NBAS: variants seen among roughly 807,000 people sequenced by gnomAD.
The protein encoded by NBAS is NBAS subunit of NRZ tethering complex.
A neutral mutation model predicts 302.5 loss-of-function variants in NBAS; 219 were observed. That is an observed-to-expected ratio of 0.72 (90% CI 0.65 to 0.81). The LOEUF (loss-of-function observed/expected upper bound fraction) is 0.81, where lower values mean the gene tolerates loss of function less well. NBAS is among the 30% of genes least tolerant of loss of function. NBAS has a pLI of 0.00. For synonymous variants in NBAS, 1,118 were observed against 1,021.6 expected (o/e 1.09, Z -1.80); for missense variants, 2,932 against 2,841.6 (o/e 1.03, Z -0.72).
At chr2:14,936,134 G>A in the NBAS span, among the ~76,000 whole-genome samples, 3 of 152,098 alleles carry the variant, frequency 2.0e-5, no homozygotes, top group Non-Finnish European at 2.9e-5. Flanking sequence ...ATACTAAATT[G>A]CACCAAACCT....
intron 35 of NBAS, among the ~76,000 whole-genome samples, chr2:15,341,083 CCTTAAAAGTAAAAGG>C: frequency 6.6e-6 from 1 of 152,162 alleles, no homozygotes; most frequent in East Asian, 1.9e-4. Context: ...TATGGTATTT[CCTTAAAAGTAAAAGG>C]AGACTGGCCA....
chr2:14,899,717 C>G, the NBAS span, among the ~76,000 whole-genome samples: 5 of 149,394 alleles, frequency 3.3e-5, no homozygotes, highest in African/African-American at 1.3e-4. Context: ...CTTTCAGGGT[C>G]CTTTAAAAAA....
At chr2:15,265,590 G>A (rs571028988) in intron 44 of NBAS, among the ~76,000 whole-genome samples, 6 of 152,240 alleles carry the variant, frequency 3.9e-5, no homozygotes, top group Admixed American at 6.5e-5. Context: ...GACTAGCATA[G>A]GGTTCGGTAA....
Position 15,167,423 on chromosome 2 carries a change from A to G in NBAS, c.6841-100T>C, listed in dbSNP as rs905786181. 9 of 1,457,798 alleles carry G rather than the reference A, an allele frequency of 6.2e-6. No individual in the cohort carries two copies. In the African/African-American group the frequency reaches 1.1e-4, roughly 18 times the overall value. The allele number at this position is 1,457,798 out of a possible 1,614,324, so 90.3% of individuals were successfully genotyped here. A position where few individuals can be genotyped will look rare whatever the true frequency, so the allele number is the denominator to read the frequency against. On this transcript the variant is annotated intron_variant, in intron 51 of 51. Coordinates refer to ENST00000281513, the MANE Select transcript of NBAS (RefSeq NM_015909.4). ...CACTGGGCTGCCTTCATCATCATTC[A>G]TGCCCTGGCCTGGGTTTAAAAGCGT...
chr2:15,167,466 C>G, intron 51 of NBAS, 143 bp from the exon 52 acceptor site: 1 of 1,043,348 alleles, frequency 9.6e-7, no homozygotes, highest in East Asian at 2.6e-5. Flanking sequence ...TCACGAGCAC[C>G]TCTGAGGTAG....
chr2:15,068,453 G>T, the NBAS span, among the ~76,000 whole-genome samples: 2 of 152,276 alleles, frequency 1.3e-5, no homozygotes, highest in South Asian at 4.2e-4. Context: ...CTCTACTGAG[G>T]ACTTTGTCTA....
At chr2:14,919,307 G>A in the NBAS span, among the ~76,000 whole-genome samples, 2 of 152,156 alleles carry the variant, frequency 1.3e-5, no homozygotes, top group Non-Finnish European at 2.9e-5. Flanking sequence ...TCTAAAAAAT[G>A]TCCATACCTT....
the NBAS span, among the ~76,000 whole-genome samples, chr2:14,923,517 G>A: frequency 2.0e-5 from 3 of 152,158 alleles, no homozygotes; most frequent in African/African-American, 7.2e-5. Context: ...CAGTCCCATG[G>A]TGAACCAGAC....
At chr2:15,126,794 C>A in the NBAS span, among the ~76,000 whole-genome samples, 2 of 152,198 alleles carry the variant, frequency 1.3e-5, no homozygotes, top group African/African-American at 4.8e-5. Context: ...AAAGCTCTTA[C>A]TAGATATCAT....
chr2:15,505,243 C>CA lies in NBAS; in HGVS notation c.886-1031dup, dbSNP rs763443382. Among the ~76,000 whole-genome samples, 5 of 152,252 alleles carry CA rather than the reference C, an allele frequency of 3.3e-5. No individual in the cohort carries two copies. In the South Asian group the frequency reaches 8.3e-4, roughly 25 times the overall value. ...CAAATTGAAAAACACCCAGGGAGGA[C>CA]AGAGGGGAGCTAGCAAAAATGGCTA... is the stretch of plus-strand genomic sequence containing the variant. On this transcript the variant is annotated intron_variant, in intron 10 of 51. Transcript: ENST00000281513.
chr2:15,369,338 T>C (rs1315657620), intron 31 of NBAS, among the ~76,000 whole-genome samples: 1 of 152,144 alleles, frequency 6.6e-6, no homozygotes, highest in Non-Finnish European at 1.5e-5. Context: ...AAACCACACA[T>C]AGCAATGGAT....
chr2:15,045,479 G>T, the NBAS span, among the ~76,000 whole-genome samples: 2 of 152,032 alleles, frequency 1.3e-5, no homozygotes, highest in Non-Finnish European at 2.9e-5. Flanking sequence ...CACCCAAAAT[G>T]TCTTTCCCAA....
chr2:14,997,267 C>A, the NBAS span, among the ~76,000 whole-genome samples: 1 of 152,062 alleles, frequency 6.6e-6, no homozygotes, highest in African/African-American at 2.4e-5. Context: ...AGCCCGATTA[C>A]ATGAGTTTAC....
At chr2:14,951,776 G>A in the NBAS span, among the ~76,000 whole-genome samples, 2 of 152,204 alleles carry the variant, frequency 1.3e-5, no homozygotes, top group African/African-American at 4.8e-5. Context: ...CCAGGTTACA[G>A]AGGAAGTTAA....
At chr2:15,341,152 G>A (rs1342076603) in intron 35 of NBAS, among the ~76,000 whole-genome samples, 5 of 152,106 alleles carry the variant, frequency 3.3e-5, no homozygotes, top group African/African-American at 1.2e-4. Context: ...TTAGGAGGCC[G>A]AAGTGGGCAG....
At chr2:14,936,909 CTACCT>C in the NBAS span, among the ~76,000 whole-genome samples, 1 of 152,116 alleles carries the variant, frequency 6.6e-6, no homozygotes, top group African/African-American at 2.4e-5. Flanking sequence ...GGGGAGGAGA[CTACCT>C]TTTGGAGAAA....
chr2:15,509,236 G>A (rs141026559), intron 10 of NBAS, among the ~76,000 whole-genome samples: 80 of 152,240 alleles, frequency 5.3e-4, no homozygotes, highest in Non-Finnish European at 9.9e-4. Flanking sequence ...GTGCAGAACA[G>A]AAACTAGATC....
chr2:15,522,246 G>A (rs1662706843), intron 9 of NBAS, among the ~76,000 whole-genome samples: 1 of 152,114 alleles, frequency 6.6e-6, no homozygotes, highest in South Asian at 2.1e-4. Flanking sequence ...AAGTAATGAG[G>A]GTCTGAAGTA....
At chr2:15,389,141 A>G (rs547921583) in intron 28 of NBAS, among the ~76,000 whole-genome samples, 1 of 152,314 alleles carries the variant, frequency 6.6e-6, no homozygotes, top group East Asian at 1.9e-4. Flanking sequence ...AACACTCGTC[A>G]GACAGGCTCT....
Sources: allele counts gnomAD v4.1 joint callset (sites outside exome capture counted in the v4.1 genomes callset), GRCh38; gene constraint gnomAD v4.1.1; transcripts MANE v1.5; gene names NCBI Gene and HGNC (gene_info 2026-07-23, HGNC 2026-07-21).